The following DACH2 variants were observed in gnomAD, a reference collection of about 807,000 sequenced individuals.
DACH2 encodes dachshund family transcription factor 2.
In DACH2, 17 loss-of-function variants were observed where a neutral mutation model predicts 35.8. The ratio of observed to expected loss-of-function variants is 0.48; its 90% CI spans 0.33 to 0.71. The LOEUF (loss-of-function observed/expected upper bound fraction) is 0.71, where lower values mean the gene tolerates loss of function less well. Among genes scored for constraint, DACH2 ranks in the 30% least tolerant of loss-of-function variants. DACH2 has a pLI of 0.02. For synonymous variants in DACH2, 195 were observed against 177.3 expected (o/e 1.10, Z -0.79); for missense variants, 469 against 472.7 (o/e 0.99, Z 0.07).
chrX:86,563,412 G>T (rs2039251991), intron 3 of DACH2, among the ~76,000 whole-genome samples: 1 of 110,552 alleles, frequency 9.0e-6, no homozygotes, highest in African/African-American at 3.3e-5. Flanking sequence ...TCCACTAGTT[G>T]TAATACAGGG....
At chrX:86,459,025 C>T (rs1425108967) in intron 2 of DACH2, among the ~76,000 whole-genome samples, 1 of 111,305 alleles carries the variant, frequency 9.0e-6, no homozygotes, top group Non-Finnish European at 1.9e-5. Flanking sequence ...TAATAAAAAA[C>T]TTATTAAATT....
chrX:86,801,371 C>T (rs757608230), intron 7 of DACH2, among the ~76,000 whole-genome samples: 21 of 111,003 alleles, frequency 1.9e-4, no homozygotes, highest in Non-Finnish European at 4.0e-4. Context: ...GCTGGAACTA[C>T]GGGTTCATGC....
rs139893891 is a variant in DACH2 at position 86,510,657 on chromosome X, C to A, written c.528-3622C>A. On this transcript the variant is annotated intron_variant, in intron 2 of 11. Coordinates refer to ENST00000373125, the MANE Select transcript of DACH2 (RefSeq NM_053281.3). ...CTTTAAATAACCTAGAAATATTACACTTAATGTGAATTCTATAAAGCTGAA... is the reference window on the plus strand; with the variant it reads ...CTTTAAATAACCTAGAAATATTACAATTAATGTGAATTCTATAAAGCTGAA... 1.3e-3 allele frequency among the ~76,000 whole-genome samples: 145 copies of A among 111,060 alleles called. 1 individual carries two copies. The highest frequency in any genetic ancestry group is 4.6e-3 in the African/African-American group (141 of 30,581).
chrX:86,422,141 G>C (rs2036814480), intron 2 of DACH2, among the ~76,000 whole-genome samples: 1 of 111,017 alleles, frequency 9.0e-6, no homozygotes, highest in South Asian at 3.7e-4. Context: ...TTACAACTAA[G>C]AGCCATTTTT....
At chrX:86,666,556 T>C (rs963124558) in intron 4 of DACH2, among the ~76,000 whole-genome samples, 11 of 111,873 alleles carry the variant, frequency 9.8e-5, no homozygotes, top group Non-Finnish European at 2.1e-4. Flanking sequence ...AGACCTGGAT[T>C]CTAGAACCAC....
At chrX:86,429,450 T>A (rs1371763817) in intron 2 of DACH2, among the ~76,000 whole-genome samples, 1 of 111,923 alleles carries the variant, frequency 8.9e-6, no homozygotes, top group Non-Finnish European at 1.9e-5. Flanking sequence ...CCGCAGGTGT[T>A]TGGGAGGATG....
At chrX:86,318,126 C>A (rs1351937226) in intron 1 of DACH2, among the ~76,000 whole-genome samples, 1 of 112,061 alleles carries the variant, frequency 8.9e-6, no homozygotes, top group Non-Finnish European at 1.9e-5. Context: ...CTAGAGGAAC[C>A]AGGCAGAGCA....
chrX:86,347,583 C>G (rs1281917070), intron 1 of DACH2, among the ~76,000 whole-genome samples: 2 of 112,842 alleles, frequency 1.8e-5, no homozygotes, highest in Non-Finnish European at 1.9e-5. Context: ...TACAGTAGAG[C>G]TCATTTTCTC....
At chrX:86,488,439 CAT>C (rs1418350115) in intron 2 of DACH2, among the ~76,000 whole-genome samples, 3 of 111,222 alleles carry the variant, frequency 2.7e-5, no homozygotes, top group Non-Finnish European at 3.8e-5. Context: ...CTTGAGATAA[CAT>C]AGCATAGTGA....
intron 4 of DACH2, among the ~76,000 whole-genome samples, chrX:86,683,864 A>G (rs748340316): frequency 9.0e-6 from 1 of 111,479 alleles, no homozygotes; most frequent in African/African-American, 3.3e-5. Context: ...AGAAACTCAG[A>G]CTCAAAGAAC....
intron 3 of DACH2, among the ~76,000 whole-genome samples, chrX:86,602,064 T>A (rs546613498): frequency 4.4e-5 from 5 of 112,457 alleles, no homozygotes; most frequent in African/African-American, 1.6e-4. Flanking sequence ...TACTGATCTG[T>A]TTTGCTATCT....
chrX:86,796,984 A>T (rs1195675459), intron 7 of DACH2, among the ~76,000 whole-genome samples: 1 of 111,700 alleles, frequency 9.0e-6, no homozygotes, highest in Non-Finnish European at 1.9e-5. Flanking sequence ...TAACTGATGG[A>T]AATATAGAAC....
Position 86,177,535 on chromosome X carries a change from T to C in DACH2, c.488+28427T>C, listed in dbSNP as rs1182507320. Among the ~76,000 whole-genome samples the C allele has an allele frequency of 4.5e-5, 5 of 111,761 alleles. No homozygotes were observed. In the Admixed American group the frequency reaches 4.8e-4, roughly 11 times the overall value. The stretch of plus-strand genomic sequence containing the variant: ...ATCATTGCAGAGCAAAGTTGAGAAG[T>C]TGGCTATCTCAATCTTGACTCCTTG... On this transcript the variant is annotated intron_variant, in intron 1 of 11. Transcript: ENST00000373125.
chrX:86,825,266 A>G (rs983408797), intron 11 of DACH2, among the ~76,000 whole-genome samples: 5 of 110,373 alleles, frequency 4.5e-5, no homozygotes, highest in African/African-American at 1.7e-4. Context: ...AAAATACAAA[A>G]AATAGCCAGG....
At chrX:86,176,211 G>A (rs766664627) in intron 1 of DACH2, among the ~76,000 whole-genome samples, 34 of 111,307 alleles carry the variant, frequency 3.1e-4, no homozygotes, top group African/African-American at 1.0e-3. Flanking sequence ...AGATATCAAG[G>A]AGGTGAGAGG....
chrX:86,633,671 G>T (rs1172891402), intron 3 of DACH2, among the ~76,000 whole-genome samples: 1 of 111,036 alleles, frequency 9.0e-6, no homozygotes, highest in Non-Finnish European at 1.9e-5. Context: ...AAAACTACAG[G>T]CCAATATCCC....
At chrX:86,703,614 T>G (rs1824943074) in intron 5 of DACH2, among the ~76,000 whole-genome samples, 1 of 111,764 alleles carries the variant, frequency 8.9e-6, no homozygotes. Flanking sequence ...TTGTAGCATT[T>G]CTATACACCC....
intron 4 of DACH2, among the ~76,000 whole-genome samples, chrX:86,669,125 T>C (rs2040734415): frequency 9.0e-6 from 1 of 110,682 alleles, no homozygotes. Context: ...TACCTGGAGG[T>C]CTTAGATTTT....
intron 4 of DACH2, among the ~76,000 whole-genome samples, chrX:86,673,107 G>A (rs757693721): frequency 2.7e-5 from 3 of 110,701 alleles, no homozygotes; most frequent in East Asian, 2.9e-4. Context: ...AGGCCGAGGC[G>A]GGTGGATCAC....
Sources: allele counts gnomAD v4.1 joint callset (sites outside exome capture counted in the v4.1 genomes callset), GRCh38; gene constraint gnomAD v4.1.1; transcripts MANE v1.5; gene names NCBI Gene and HGNC (gene_info 2026-07-23, HGNC 2026-07-21).